Variants in CDH12 observed in about 807,000 individuals in gnomAD.
The protein encoded by CDH12 is cadherin-12.
CDH12 carries 41 observed loss-of-function variants against 74.1 expected under a neutral mutation model. That is an observed-to-expected ratio of 0.55 (90% confidence interval 0.43 to 0.72). CDH12 has a LOEUF of 0.72. Among genes scored for constraint, CDH12 ranks in the 30% least tolerant of loss-of-function variants. The pLI is 0.00. For synonymous variants in CDH12, 399 were observed against 355.0 expected (o/e 1.12, Z -1.39); for missense variants, 945 against 977.2 (o/e 0.97, Z 0.44).
At chr5:21,970,869 A>AAAAAAAG (rs1756820904) in intron 6 of CDH12, among the ~76,000 whole-genome samples, 32 of 143,486 alleles carry the variant, frequency 2.2e-4, no homozygotes, top group South Asian at 1.2e-3. Flanking sequence ...AAAAAAAAAA[A>AAAAAAAG]AAAAAGAAAA....
At chr5:22,331,335 T>A (rs1193033127) in intron 3 of CDH12, among the ~76,000 whole-genome samples, 1 of 152,110 alleles carries the variant, frequency 6.6e-6, no homozygotes, top group Non-Finnish European at 1.5e-5. Context: ...TGTGCTCGCA[T>A]CACCACATCT....
intron 6 of CDH12, among the ~76,000 whole-genome samples, chr5:21,936,973 T>C (rs1454370340): frequency 2.0e-5 from 3 of 152,220 alleles, no homozygotes; most frequent in Non-Finnish European, 2.9e-5. Flanking sequence ...CTCTTTTGTT[T>C]ATAAATTATC....
intron 6 of CDH12, among the ~76,000 whole-genome samples, chr5:21,887,211 C>A (rs1752676602): frequency 6.6e-6 from 1 of 152,058 alleles, no homozygotes; most frequent in Non-Finnish European, 1.5e-5. Context: ...GATGATAATT[C>A]TTTGATACTC....
At chr5:22,099,614 G>A (rs748331533) in intron 4 of CDH12, among the ~76,000 whole-genome samples, 27 of 151,968 alleles carry the variant, frequency 1.8e-4, no homozygotes, top group Admixed American at 5.9e-4. Context: ...CCTATTCACC[G>A]TTCTCAACTA....
intron 1 of CDH12, among the ~76,000 whole-genome samples, chr5:22,651,499 C>A (rs561930031): frequency 6.6e-6 from 1 of 152,140 alleles, no homozygotes; most frequent in South Asian, 2.1e-4. Flanking sequence ...CTACCAAACA[C>A]CTATAAAACC....
chr5:22,518,335 C>T (rs1736893878), intron 1 of CDH12, among the ~76,000 whole-genome samples: 1 of 152,158 alleles, frequency 6.6e-6, no homozygotes, highest in Non-Finnish European at 1.5e-5. Flanking sequence ...ATTACAATGG[C>T]TCTTTGGAGC....
chr5:22,201,719 A>G (rs1326178149), intron 4 of CDH12, among the ~76,000 whole-genome samples: 1 of 152,138 alleles, frequency 6.6e-6, no homozygotes, highest in East Asian at 1.9e-4. Flanking sequence ...TTTAAAAAGC[A>G]GGGAAACTAC....
chr5:22,154,592 CA>C, intron 4 of CDH12, among the ~76,000 whole-genome samples: 1 of 148,770 alleles, frequency 6.7e-6, no homozygotes, highest in Non-Finnish European at 1.5e-5. Flanking sequence ...TATGTGTACA[CA>C]TATATATACA....
At position 22,467,432 on chromosome 5, in the gene CDH12, G is replaced by A. The variant is rs183203631; in HGVS notation, c.-428+37838C>T. On this transcript the variant is annotated intron_variant, in intron 2 of 14. Transcript: ENST00000382254. ...GGACTTCCATGATGAAATCAACTAA[G>A]AGTTCTCTTCCCACATCCTGTCACT... is the stretch of plus-strand genomic sequence containing the variant. 2.0e-5 allele frequency among the ~76,000 whole-genome samples: 3 copies of A among 152,246 alleles called. No individual in the cohort carries two copies. The East Asian group carries it at 5.8e-4, about 29-fold the overall frequency.
At chr5:21,896,522 T>C (rs1201946477) in intron 6 of CDH12, among the ~76,000 whole-genome samples, 1 of 152,198 alleles carries the variant, frequency 6.6e-6, no homozygotes, top group Non-Finnish European at 1.5e-5. Flanking sequence ...CCATTCACCA[T>C]TGAAATACCA....
intron 5 of CDH12, among the ~76,000 whole-genome samples, chr5:22,002,227 ATACTT>A (rs1395008212): frequency 1.3e-5 from 2 of 152,174 alleles, no homozygotes; most frequent in East Asian, 1.9e-4. Flanking sequence ...TGACAAATGA[ATACTT>A]TATGCAAAGA....
intron 3 of CDH12, among the ~76,000 whole-genome samples, chr5:22,228,667 C>G (rs2150373491): frequency 6.6e-6 from 1 of 152,190 alleles, no homozygotes; most frequent in African/African-American, 2.4e-5. Flanking sequence ...GAATTCTGTT[C>G]TGCTCTCATT....
At chr5:22,215,829 T>C (rs1416976439) in intron 3 of CDH12, among the ~76,000 whole-genome samples, 1 of 152,112 alleles carries the variant, frequency 6.6e-6, no homozygotes, top group Non-Finnish European at 1.5e-5. Context: ...TCTTTGAAAT[T>C]CTCAGACACA....
At chr5:21,931,001 G>A (rs563563026) in intron 6 of CDH12, among the ~76,000 whole-genome samples, 10 of 152,274 alleles carry the variant, frequency 6.6e-5, no homozygotes, top group Middle Eastern at 6.8e-3. Context: ...AAACAGGTAT[G>A]TGCCAAAATG....
rs75454704 is a variant in CDH12, at chr5:22,549,831, G to C, written c.-522-44467C>G. Among the ~76,000 whole-genome samples the C allele has an allele frequency of 8.5e-3, 1,296 of 152,260 alleles. 10 individuals carry two copies. Among genetic ancestry groups the C allele is most frequent in the Non-Finnish European group, 0.014 (958 of 68,026 alleles). On this transcript the variant is annotated intron_variant, in intron 1 of 14. Coordinates refer to ENST00000382254, the MANE Select transcript of CDH12 (RefSeq NM_004061.5). ...AAGAGCAAACAGCTGAACTGAAAGG[G>C]AAATATTTTCCCAATTACCTTCAAC... is the stretch of plus-strand genomic sequence containing the variant.
chr5:22,527,289 C>T (rs999135503), intron 1 of CDH12, among the ~76,000 whole-genome samples: 5 of 152,076 alleles, frequency 3.3e-5, no homozygotes, highest in African/African-American at 1.2e-4. Context: ...GGTCTATAAA[C>T]TGGCTTATGT....
intron 11 of CDH12, among the ~76,000 whole-genome samples, chr5:21,772,205 G>A (rs1462430472): frequency 6.6e-6 from 1 of 151,962 alleles, no homozygotes; most frequent in Non-Finnish European, 1.5e-5. Context: ...TTCTGTCTTT[G>A]ATTATATCTC....
intron 4 of CDH12, among the ~76,000 whole-genome samples, chr5:22,121,119 G>A (rs1309036634): frequency 2.0e-5 from 3 of 152,080 alleles, no homozygotes; most frequent in Non-Finnish European, 2.9e-5. Flanking sequence ...TATATTATGA[G>A]CAAGAAAGAG....
intron 2 of CDH12, among the ~76,000 whole-genome samples, chr5:22,454,978 T>G (rs1745205967): frequency 6.6e-6 from 1 of 152,152 alleles, no homozygotes; most frequent in African/African-American, 2.4e-5. Flanking sequence ...AAGAGCTCAT[T>G]AGAAGCCATG....
Sources: gnomAD v4.1 joint callset for allele counts (sites outside exome capture counted in the v4.1 genomes callset) on GRCh38, gnomAD v4.1.1 for gene constraint, MANE v1.5 for transcripts, NCBI Gene and HGNC (gene_info 2026-07-23, HGNC 2026-07-21) for gene names.